Variants in DYNLT2 observed in about 807,000 individuals in gnomAD.
DYNLT2 encodes the protein dynein light chain Tctex-type protein 2.
In DYNLT2, 24 loss-of-function variants were observed where a neutral mutation model predicts 24.3. The ratio of observed to expected loss-of-function variants is 0.99; its 90% confidence interval spans 0.71 to 1.39. DYNLT2 has a LOEUF of 1.39. Ranked by LOEUF, DYNLT2 falls within the 40% of genes most tolerant of loss-of-function variation. The pLI is 0.00. For missense variants in DYNLT2, 246 were observed against 234.5 expected, an observed-to-expected ratio of 1.05 and a Z score of -0.32; for synonymous variants, 85 against 85.4, an observed-to-expected ratio of 1.00 and a Z score of 0.03.
At chr6:169,731,585 C>T in the DYNLT2 span, among the ~76,000 whole-genome samples, 1 of 151,966 alleles carries the variant, frequency 6.6e-6, no homozygotes, top group Non-Finnish European at 1.5e-5. Flanking sequence ...TTTTTTTCAC[C>T]ACAATACAAT....
At chr6:169,747,488 T>C (rs2128336424) in intron 1 of DYNLT2, among the ~76,000 whole-genome samples, 1 of 152,268 alleles carries the variant, frequency 6.6e-6, no homozygotes, top group Admixed American at 6.5e-5. Flanking sequence ...TCGTGTAATA[T>C]TTTTTCAGCA....
chr6:169,743,323 AAT>A (rs1030024271), intron 2 of DYNLT2, 85 bp from the exon 3 acceptor site: 11 of 664,970 alleles, frequency 1.7e-5, no homozygotes, highest in Middle Eastern at 4.7e-4. Context: ...ATGTCTAAAT[AAT>A]ATATATATAA....
At position 169,744,123 on chromosome 6, in the gene DYNLT2, G is replaced by T; in HGVS notation, c.272C>A (p.Pro91Gln). 1 of 1,612,982 alleles carries T rather than the reference G, an allele frequency of 6.2e-7. No homozygotes were observed. Among genetic ancestry groups the T allele is most frequent in the East Asian group, 2.2e-5 (1 of 44,852 alleles). ...TGAATGAGCTTGGAATTTCTTCAAT[G>T]GCTCCATTCTATATGAATTAGCAAA... Reference protein sequence around the residue: ...LKFANSYRMEPLKKFQAHSVE... With the variant: ...LKFANSYRMEQLKKFQAHSVE... The change falls in exon 2 of 4, where the codon CCA (proline) becomes CAA (glutamine). Residue 91 changes from proline (P) to glutamine (Q), a missense_variant. Coordinates refer to ENST00000366774, the MANE Select transcript of DYNLT2 (RefSeq NM_174910.3).
chr6:169,750,533 T>C (rs1316006227), intron 1 of DYNLT2: 1 of 152,206 alleles, frequency 6.6e-6, no homozygotes, highest in Non-Finnish European at 1.5e-5. Context: ...AAAAATTGTT[T>C]TGCCTGTCAT....
chr6:169,738,641 G>C (rs1789610039), downstream of DYNLT2: 1 of 152,252 alleles, frequency 6.6e-6, no homozygotes, highest in Non-Finnish European at 1.5e-5. Flanking sequence ...AGAGAACCTG[G>C]ATACCTTGGT....
the DYNLT2 span, among the ~76,000 whole-genome samples, chr6:169,727,287 A>G: frequency 2.0e-5 from 3 of 152,206 alleles, no homozygotes; most frequent in Admixed American, 1.3e-4. Flanking sequence ...TAATGGAGAA[A>G]GAGAGTATCT....
chr6:169,739,438 G>A (rs1470289547), downstream of DYNLT2, among the ~76,000 whole-genome samples: 3 of 152,080 alleles, frequency 2.0e-5, no homozygotes, highest in African/African-American at 7.2e-5. Context: ...TCTAGTCATA[G>A]GAACATGATT....
At chr6:169,748,440 T>C (rs781310183) in intron 1 of DYNLT2, among the ~76,000 whole-genome samples, 1 of 152,096 alleles carries the variant, frequency 6.6e-6, no homozygotes, top group African/African-American at 2.4e-5. Context: ...GACACCTAAA[T>C]CAATGGAAAC....
At chr6:169,726,703 A>G in the DYNLT2 span, among the ~76,000 whole-genome samples, 1 of 152,206 alleles carries the variant, frequency 6.6e-6, no homozygotes, top group South Asian at 2.1e-4. Context: ...CCTCATTTGT[A>G]TGATAACAAT....
At chr6:169,734,183 G>T in the DYNLT2 span, among the ~76,000 whole-genome samples, 29,914 of 152,112 alleles carry the variant, frequency 0.2, 3,873 homozygotes, top group East Asian at 0.64. Context: ...AAGTTTTGGG[G>T]CTGAGATGAT....
the DYNLT2 span, among the ~76,000 whole-genome samples, chr6:169,727,558 T>C: frequency 1.4e-5 from 2 of 143,156 alleles, no homozygotes; most frequent in Non-Finnish European, 3.0e-5. Context: ...GAAGGTTTGT[T>C]TTTTTGTTTT....
At chr6:169,740,878 G>A (rs1304681699) in intron 3 of DYNLT2, among the ~76,000 whole-genome samples, 5 of 150,634 alleles carry the variant, frequency 3.3e-5, no homozygotes, top group South Asian at 2.1e-4. Context: ...GCGTGATCTC[G>A]GTTCACTGCA....
rs181635082 is a variant in DYNLT2, at chr6:169,746,061, T to C, written c.121-1787A>G. On this transcript the variant is annotated intron_variant, in intron 1 of 3. Coordinates refer to ENST00000366774, the MANE Select transcript of DYNLT2 (RefSeq NM_174910.3). ...GGTTATCAAATTTCTGGGCACAGAA[T>C]TGTTCATAATATTCTTTCATTATAT... Among the ~76,000 whole-genome samples, 399 of 152,310 alleles carry C rather than the reference T, an allele frequency of 2.6e-3. 3 individuals are homozygous for C. The highest frequency in any genetic ancestry group is 9.1e-3 in the African/African-American group (377 of 41,562).
the DYNLT2 span, among the ~76,000 whole-genome samples, chr6:169,734,400 A>G: frequency 2.5e-3 from 386 of 152,240 alleles, no homozygotes; most frequent in African/African-American, 7.7e-3. Context: ...TGCCCATTCA[A>G]TATGATATTG....
the DYNLT2 span, chr6:169,725,508 C>G: frequency 2.5e-6 from 1 of 395,618 alleles, no homozygotes; most frequent in Non-Finnish European, 4.5e-6. Flanking sequence ...GCCAGACCAT[C>G]CGTTCTTGCC....
At chr6:169,743,970 T>A (rs1789735318) in intron 2 of DYNLT2, 98 bp downstream of exon 2, 1 of 1,182,930 alleles carries the variant, frequency 8.5e-7, no homozygotes, top group African/African-American at 1.5e-5. Context: ...GACAATTGTA[T>A]GAGCCAATTC....
the DYNLT2 span, among the ~76,000 whole-genome samples, chr6:169,726,334 T>C: frequency 6.6e-6 from 1 of 152,128 alleles, no homozygotes; most frequent in African/African-American, 2.4e-5. Context: ...TGGAGTTTAC[T>C]ACCAACTAAA....
At chr6:169,737,526 T>G (rs1789586859), downstream of DYNLT2, among the ~76,000 whole-genome samples, 1 of 152,162 alleles carries the variant, frequency 6.6e-6, no homozygotes, top group South Asian at 2.1e-4. Context: ...TTGTTGTTGT[T>G]GTTGTCATTT....
At chr6:169,730,904 A>G in the DYNLT2 span, among the ~76,000 whole-genome samples, 3 of 152,138 alleles carry the variant, frequency 2.0e-5, no homozygotes, top group African/African-American at 7.2e-5. Context: ...CACAGTGGGC[A>G]AGTGGTTCAA....
Sources: allele counts gnomAD v4.1 joint callset (sites outside exome capture counted in the v4.1 genomes callset), GRCh38; gene constraint gnomAD v4.1.1; transcripts MANE v1.5; gene names NCBI Gene and HGNC (gene_info 2026-07-23, HGNC 2026-07-21).